The following VRK2 variants were observed in gnomAD, a reference collection of about 807,000 sequenced individuals.
VRK2 encodes the protein VRK serine/threonine kinase 2, also known as serine/threonine-protein kinase VRK2.
A neutral mutation model predicts 57.6 loss-of-function variants in VRK2; 60 were observed. The observed-to-expected ratio is 1.04, with a 90% CI of 0.85 to 1.29. The LOEUF (loss-of-function observed/expected upper bound fraction) is 1.29. Ranked by LOEUF, VRK2 falls within the 50% of genes most tolerant of loss-of-function variation. The probability of loss-of-function intolerance (pLI) is 0.00; values close to 1 mark genes in which losing one functional copy is unlikely to be tolerated. For missense variants in VRK2, 705 were observed against 588.1 expected, an observed-to-expected ratio of 1.20 and a Z score of -2.06; for synonymous variants, 231 against 199.2, an observed-to-expected ratio of 1.16 and a Z score of -1.35.
At chr2:57,990,177 G>A (rs1268487801) in intron 1 of VRK2, among the ~76,000 whole-genome samples, 1 of 152,206 alleles carries the variant, frequency 6.6e-6, no homozygotes, top group Non-Finnish European at 1.5e-5. Context: ...AATGGCCAAA[G>A]ACTCTCAACA....
At chr2:58,071,822 AC>A (rs1669400375) in intron 2 of VRK2, among the ~76,000 whole-genome samples, 1 of 152,002 alleles carries the variant, frequency 6.6e-6, no homozygotes. Context: ...CCACAACATA[AC>A]TTGTGTTTTT....
chr2:57,981,104 T>A (rs1170418637), intron 1 of VRK2, among the ~76,000 whole-genome samples: 3 of 152,274 alleles, frequency 2.0e-5, no homozygotes, highest in Admixed American at 6.5e-5. Flanking sequence ...TTATGTAGAT[T>A]TGATTGTATA....
At position 57,974,497 on chromosome 2, in the gene VRK2, G is replaced by T. The variant is rs766898683; in HGVS notation, c.-438-51168G>T. On this transcript the variant is annotated intron_variant, in intron 1 of 15. Transcript: ENST00000417641. ...ACAGGCCATATTCTCTTATTACAGT[G>T]CAAAGAACAAAAAACTAAATATAAA... Among the ~76,000 whole-genome samples, 34 of 151,502 alleles carry T rather than the reference G, an allele frequency of 2.2e-4. 1 individual carries two copies. The highest frequency in any genetic ancestry group is 6.2e-4 in the South Asian group (3 of 4,818).
intron 1 of VRK2, among the ~76,000 whole-genome samples, chr2:57,963,200 A>C (rs908999995): frequency 2.6e-5 from 4 of 152,198 alleles, no homozygotes; most frequent in African/African-American, 7.2e-5. Context: ...TGTACATTTT[A>C]TATAGCCACC....
chr2:58,117,204 G>A (rs1462917043), intron 7 of VRK2, among the ~76,000 whole-genome samples: 3 of 152,086 alleles, frequency 2.0e-5, no homozygotes, highest in Non-Finnish European at 4.4e-5. Context: ...CCATGAACTG[G>A]GCTGGGTTTT....
intron 12 of VRK2, among the ~76,000 whole-genome samples, chr2:58,148,021 A>G (rs1299644627): frequency 6.6e-6 from 1 of 151,780 alleles, no homozygotes; most frequent in Admixed American, 6.6e-5. Flanking sequence ...TTCTGGCACA[A>G]ATCCTTCAAT....
Position 58,136,870 on chromosome 2 carries a change from TC to T in VRK2, c.856+1672del, listed in dbSNP as rs1319222093. Among the ~76,000 whole-genome samples the T allele has an allele frequency of 1.8e-4, 15 of 83,312 alleles. 1 individual carries two copies. The highest frequency in any genetic ancestry group is 1.1e-3 in the African/African-American group (9 of 7,952). The allele number at this position is 83,312 out of a possible 152,430, so 54.7% of individuals were successfully genotyped here. A position where few individuals can be genotyped will look rare whatever the true frequency, so the allele number is the denominator to read the frequency against. ...TATATCATATATATGTGTATATATA[TC>T]ATATATTATATCATATATATGTGTA... On this transcript the variant is annotated intron_variant, in intron 10 of 12. Transcript: ENST00000340157.
chr2:58,006,710 A>G (rs1673256524), intron 1 of VRK2, among the ~76,000 whole-genome samples: 1 of 152,156 alleles, frequency 6.6e-6, no homozygotes, highest in Non-Finnish European at 1.5e-5. Flanking sequence ...AGGACAGTAG[A>G]GTCAAAGCAA....
At chr2:58,143,776 C>A (rs1317530813) in intron 11 of VRK2, among the ~76,000 whole-genome samples, 2 of 151,798 alleles carry the variant, frequency 1.3e-5, no homozygotes, top group Admixed American at 6.6e-5. Flanking sequence ...TATCTGCACT[C>A]CCATGTTCAT....
Position 58,084,126 on chromosome 2 carries a change from T to A in VRK2, c.174T>A (p.His58Gln). ...PTNKPEKDAR[H>Q]VVKVEYQENG... ...ATAAACCAGAGAAAGATGCAAGACA[T>A]GTAGTAAAAGTGGTAAGTGTTGCTC... Residue 58 changes from histidine (H) to glutamine (Q), a missense_variant, in exon 3 of 13, where the codon CAT becomes CAA. Coordinates refer to ENST00000340157, the MANE Select transcript of VRK2 (RefSeq NM_006296.7). The A allele has an allele frequency of 6.2e-7, 1 of 1,607,306 alleles. No homozygotes were observed.
Position 58,136,885 on chromosome 2 carries a change from T to TC in VRK2, c.856+1686_856+1687insC, listed in dbSNP as rs1372389234. On this transcript the variant is annotated intron_variant, in intron 10 of 12. Transcript: ENST00000340157. ...TGTATATATATCATATATTATATCA[T>TC]ATATATGTGTATATATATCATATAT... 6.1e-5 allele frequency among the ~76,000 whole-genome samples: 5 copies of TC among 82,088 alleles called. No individual in the cohort carries two copies. In the East Asian group the frequency reaches 9.7e-4, roughly 16 times the overall value. 53.9% of individuals were successfully genotyped at this position (82,088 alleles called of 152,430 possible).
At chr2:58,112,933 G>A (rs1675790579) in intron 7 of VRK2, among the ~76,000 whole-genome samples, 1 of 152,196 alleles carries the variant, frequency 6.6e-6, no homozygotes, top group African/African-American at 2.4e-5. Flanking sequence ...CTGTCTGGGT[G>A]TGGTTATGAC....
At chr2:58,081,701 G>T (rs1411519881) in intron 2 of VRK2, among the ~76,000 whole-genome samples, 1 of 151,686 alleles carries the variant, frequency 6.6e-6, no homozygotes, top group Non-Finnish European at 1.5e-5. Flanking sequence ...TTTCTACATT[G>T]TGTATTGTTT....
chr2:57,949,840 A>C (rs932623098), intron 1 of VRK2, among the ~76,000 whole-genome samples: 2 of 152,242 alleles, frequency 1.3e-5, no homozygotes, highest in African/African-American at 4.8e-5. Context: ...ATAAATTTAA[A>C]AAGTACTAAT....
At chr2:57,947,628 C>G (rs1042280996) in intron 1 of VRK2, among the ~76,000 whole-genome samples, 1 of 152,122 alleles carries the variant, frequency 6.6e-6, no homozygotes, top group Non-Finnish European at 1.5e-5. Flanking sequence ...CATTTAGTAA[C>G]TCTTAGTTCA....
At chr2:57,960,173 CTGTT>C (rs955478082) in intron 1 of VRK2, among the ~76,000 whole-genome samples, 37 of 152,176 alleles carry the variant, frequency 2.4e-4, no homozygotes, top group African/African-American at 7.9e-4. Flanking sequence ...AATTGGTTGT[CTGTT>C]TGTCATGTCT....
At chr2:57,917,076 ATAT>A (rs1224136243) in intron 1 of VRK2, among the ~76,000 whole-genome samples, 3 of 152,170 alleles carry the variant, frequency 2.0e-5, no homozygotes, top group Non-Finnish European at 4.4e-5. Flanking sequence ...AGGGAAACAG[ATAT>A]TATCCCCTAA....
At chr2:58,031,548 T>C (rs1027080493) in intron 2 of VRK2, among the ~76,000 whole-genome samples, 8 of 152,102 alleles carry the variant, frequency 5.3e-5, no homozygotes, top group African/African-American at 1.7e-4. Context: ...TTTAAAATGA[T>C]ATTTACAATG....
chr2:58,134,254 C>T (rs1422991116), intron 9 of VRK2, among the ~76,000 whole-genome samples: 1 of 152,202 alleles, frequency 6.6e-6, no homozygotes, highest in Non-Finnish European at 1.5e-5. Flanking sequence ...CTCCCTTCTC[C>T]CTTTAAGACC....
Sources: gnomAD v4.1 joint callset for allele counts (sites outside exome capture counted in the v4.1 genomes callset) on GRCh38, gnomAD v4.1.1 for gene constraint, MANE v1.5 for transcripts, NCBI Gene and HGNC (gene_info 2026-07-23, HGNC 2026-07-21) for gene names.